BTBD9: variants seen among roughly 807,000 people sequenced by gnomAD.
The protein encoded by BTBD9 is BTB domain containing 9, also known as BTB/POZ domain-containing protein 9.
Under a neutral mutation model 64.3 loss-of-function variants are expected in BTBD9, and 49 were observed. That is an observed-to-expected ratio of 0.76 (90% confidence interval 0.61 to 0.97). The LOEUF is 0.97. Ranked by LOEUF, BTBD9 falls within the 50% of genes least tolerant of loss-of-function variation. The pLI is 0.00. For synonymous variants in BTBD9, 260 were observed against 274.7 expected (o/e 0.95, Z 0.53); for missense variants, 598 against 762.1 (o/e 0.78, Z 2.53).
In BTBD9 at chr6:38,170,717, G is replaced by A. The variant is rs1027395545; in HGVS notation, c.*4268C>T. On this transcript the variant is annotated 3_prime_UTR_variant, in exon 11 of 11. Transcript: ENST00000481247. Reference sequence around the variant, plus strand: ...CTAATTTAATATTATAATAATAAAAGCCACGGTGGCACAGAACCATGAACT... The same window carrying A: ...CTAATTTAATATTATAATAATAAAAACCACGGTGGCACAGAACCATGAACT... The A allele has an allele frequency of 6.6e-6, 1 of 152,190 alleles. No individual in the cohort carries two copies. The highest frequency in any genetic ancestry group is 2.4e-5 in the African/African-American group (1 of 41,456). 9.4% of individuals were successfully genotyped at this position (152,190 alleles called of 1,614,324 possible).
chr6:38,374,655 T>C (rs894717456), intron 6 of BTBD9, among the ~76,000 whole-genome samples: 6 of 151,958 alleles, frequency 3.9e-5, no homozygotes, highest in Non-Finnish European at 8.8e-5. Context: ...TCTGCATACA[T>C]TCAGACATTA....
intron 1 of BTBD9, among the ~76,000 whole-genome samples, chr6:38,638,926 G>A (rs567761189): frequency 3.9e-5 from 6 of 152,304 alleles, no homozygotes; most frequent in African/African-American, 1.4e-4. Context: ...GGCTGAGGAT[G>A]AGCTACACCT....
At chr6:38,246,404 TATCTC>T (rs1764203497) in intron 9 of BTBD9, among the ~76,000 whole-genome samples, 1 of 152,154 alleles carries the variant, frequency 6.6e-6, no homozygotes, top group South Asian at 2.1e-4. Context: ...AGCCTGCTGA[TATCTC>T]ATCATTAACA....
chr6:38,245,775 T>C (rs1368451014), intron 9 of BTBD9, among the ~76,000 whole-genome samples: 2 of 152,226 alleles, frequency 1.3e-5, no homozygotes, highest in Admixed American at 6.5e-5. Context: ...AAATGTGATC[T>C]TGATTTATTT....
chr6:38,189,552 A>C (rs113675410), intron 10 of BTBD9, among the ~76,000 whole-genome samples: 7,640 of 152,180 alleles, frequency 0.05, 613 homozygotes, highest in African/African-American at 0.17. Flanking sequence ...GTGCAGTGGC[A>C]TAATCATAGC....
chr6:38,244,976 T>C (rs1764131070), intron 9 of BTBD9, among the ~76,000 whole-genome samples: 1 of 152,194 alleles, frequency 6.6e-6, no homozygotes, highest in South Asian at 2.1e-4. Flanking sequence ...ATGGGCAAAC[T>C]TCCCAATTGG....
intron 9 of BTBD9, among the ~76,000 whole-genome samples, chr6:38,204,492 T>C (rs1386084813): frequency 6.6e-6 from 1 of 152,176 alleles, no homozygotes. Context: ...TTATATGAAA[T>C]GTATAGAATA....
intron 8 of BTBD9, among the ~76,000 whole-genome samples, chr6:38,276,943 A>G (rs999941607): frequency 3.3e-5 from 5 of 152,218 alleles, no homozygotes; most frequent in Non-Finnish European, 4.4e-5. Context: ...TATGTATACA[A>G]GAAGAGCCAA....
At chr6:38,342,624 A>C (rs998251090) in intron 7 of BTBD9, among the ~76,000 whole-genome samples, 4 of 152,046 alleles carry the variant, frequency 2.6e-5, no homozygotes, top group African/African-American at 9.7e-5. Context: ...CCCCCAAGAA[A>C]TCATGGAGTT....
At chr6:38,585,836 T>TA (rs1165613316) in intron 4 of BTBD9, among the ~76,000 whole-genome samples, 1 of 151,890 alleles carries the variant, frequency 6.6e-6, no homozygotes, top group Non-Finnish European at 1.5e-5. Flanking sequence ...CTCAACCTAG[T>TA]ATAAGAATCT....
intron 1 of BTBD9, among the ~76,000 whole-genome samples, chr6:38,613,847 T>C (rs1251835093): frequency 6.6e-6 from 1 of 152,168 alleles, no homozygotes; most frequent in Non-Finnish European, 1.5e-5. Flanking sequence ...CTGTCCTCTT[T>C]GGCTTTTGTT....
At chr6:38,438,668 A>G (rs1415466395) in intron 6 of BTBD9, among the ~76,000 whole-genome samples, 2 of 152,230 alleles carry the variant, frequency 1.3e-5, no homozygotes, top group East Asian at 3.8e-4. Flanking sequence ...TCTTACAAGT[A>G]TATTTATTGA....
chr6:38,516,538 G>T (rs944295112), intron 6 of BTBD9, among the ~76,000 whole-genome samples: 2 of 152,190 alleles, frequency 1.3e-5, no homozygotes, highest in African/African-American at 4.8e-5. Flanking sequence ...GCACTGCCCA[G>T]TGTAGGCAAT....
chr6:38,328,876 G>A (rs928403743), intron 7 of BTBD9, among the ~76,000 whole-genome samples: 2 of 151,640 alleles, frequency 1.3e-5, no homozygotes, highest in African/African-American at 4.9e-5. Context: ...GAACCCGGGA[G>A]GTGGAGTTTG....
chr6:38,231,088 C>A (rs542913756), intron 9 of BTBD9, among the ~76,000 whole-genome samples: 1 of 152,256 alleles, frequency 6.6e-6, no homozygotes, highest in Non-Finnish European at 1.5e-5. Context: ...GGGAGAAATT[C>A]TCATAATGGT....
chr6:38,421,857 G>C (rs183319435), intron 6 of BTBD9, among the ~76,000 whole-genome samples: 113 of 152,268 alleles, frequency 7.4e-4, no homozygotes, highest in Non-Finnish European at 1.3e-3. Flanking sequence ...TAAATGGAGA[G>C]TATAAATATG....
At chr6:38,322,000 T>G (rs1763254567) in intron 7 of BTBD9, among the ~76,000 whole-genome samples, 1 of 151,926 alleles carries the variant, frequency 6.6e-6, no homozygotes. Flanking sequence ...AAAAGAGCCT[T>G]CTAACAAAGG....
chr6:38,185,830 T>C (rs1363142332), intron 10 of BTBD9, among the ~76,000 whole-genome samples: 1 of 152,220 alleles, frequency 6.6e-6, no homozygotes, highest in Non-Finnish European at 1.5e-5. Context: ...TACGTATTCT[T>C]TGGTGTCTCG....
Position 38,616,560 on chromosome 6 carries a change from C to T in BTBD9, c.-27-18439G>A, listed in dbSNP as rs950660603. Reference sequence around the variant, plus strand: ...GTGAGGCCAGCTGGACTTCCTGGGTCGGATGGGGACTTGGGGAACTTTCCT... The same window carrying T: ...GTGAGGCCAGCTGGACTTCCTGGGTTGGATGGGGACTTGGGGAACTTTCCT... On this transcript the variant is annotated intron_variant, in intron 1 of 10. Transcript: ENST00000481247. Among the ~76,000 whole-genome samples, 6 of 152,062 alleles carry T rather than the reference C, an allele frequency of 3.9e-5. No homozygotes were observed. In the East Asian group the frequency reaches 9.7e-4, roughly 24 times the overall value.
Sources: gnomAD v4.1 joint callset for allele counts (sites outside exome capture counted in the v4.1 genomes callset) on GRCh38, gnomAD v4.1.1 for gene constraint, MANE v1.5 for transcripts, NCBI Gene and HGNC (gene_info 2026-07-23, HGNC 2026-07-21) for gene names.